Variants in CIB2 observed in about 807,000 individuals in gnomAD.
The protein encoded by CIB2 is calcium and integrin binding family member 2.
A neutral mutation model predicts 23.1 loss-of-function variants in CIB2; 19 were observed. The ratio of observed to expected loss-of-function variants is 0.82; its 90% CI spans 0.57 to 1.21. The LOEUF is 1.21. Ranked by LOEUF, CIB2 falls within the 50% of genes most tolerant of loss-of-function variation. The probability of loss-of-function intolerance (pLI) is 0.00; values close to 1 mark genes in which losing one functional copy is unlikely to be tolerated. For missense variants in CIB2, 220 were observed against 241.5 expected, an observed-to-expected ratio of 0.91 and a Z score of 0.59; for synonymous variants, 94 against 91.7, an observed-to-expected ratio of 1.03 and a Z score of -0.14.
Position 78,109,271 on chromosome 15 carries a change from G to T in CIB2, c.310C>A (p.Arg104=). 6.2e-7 allele frequency: 1 copy of T among 1,611,448 alleles called. No homozygotes were observed. Among genetic ancestry groups the T allele is most frequent in the South Asian group, 1.1e-5 (1 of 90,986 alleles). ...MFSVLCESAP[R]ELKANYAFKI... is the part of the protein sequence containing the mutation. ...AAGGCATAGTTTGCCTTGAGCTCTC[G>T]GGGAGCCGACTCGCAGAGCACGGAA... The change falls in exon 4 of 6, where the codon CGA becomes AGA. Residue 104 remains arginine, a synonymous_variant. Coordinates refer to ENST00000258930, the MANE Select transcript of CIB2 (RefSeq NM_006383.4).
At chr15:78,124,920 G>A (rs1355390474) in intron 1 of CIB2, among the ~76,000 whole-genome samples, 1 of 152,200 alleles carries the variant, frequency 6.6e-6, no homozygotes, top group Non-Finnish European at 1.5e-5. Context: ...CAACATCTGG[G>A]GTTTCCACTG....
chr15:78,130,669 C>G (rs1209411540), intron 1 of CIB2, among the ~76,000 whole-genome samples: 1 of 152,140 alleles, frequency 6.6e-6, no homozygotes, highest in Non-Finnish European at 1.5e-5. Flanking sequence ...CGAACCCCAG[C>G]CGATAAACAA....
At chr15:78,121,788 G>A (rs151258033) in intron 2 of CIB2, among the ~76,000 whole-genome samples, 1 of 152,288 alleles carries the variant, frequency 6.6e-6, no homozygotes, top group African/African-American at 2.4e-5. Context: ...GTCTCAGGCA[G>A]TTCTTTATAG....
intron 2 of CIB2, among the ~76,000 whole-genome samples, chr15:78,119,746 T>C (rs1468362887): frequency 6.6e-6 from 1 of 152,014 alleles, no homozygotes; most frequent in Non-Finnish European, 1.5e-5. Context: ...CTAATTTTTG[T>C]ATTTTCAGTA....
At position 78,114,896 on chromosome 15, in the gene CIB2, T is replaced by TA. The variant is rs35601905; in HGVS notation, c.87-3621dup. ...GGGCAACAGAGTGAGACCCTGTCTC[T>TA]AAAAAAAAAAAAGATAAGTAAAGAA... is the stretch of plus-strand genomic sequence containing the variant. On this transcript the variant is annotated intron_variant, in intron 2 of 5. Transcript: ENST00000258930. Among the ~76,000 whole-genome samples the TA allele has an allele frequency of 1.8e-3, 259 of 141,590 alleles. 1 individual carries two copies. Among genetic ancestry groups the TA allele is most frequent in the Middle Eastern group, 7.2e-3 (2 of 276 alleles). 92.9% of individuals were successfully genotyped at this position (141,590 alleles called of 152,430 possible).
intron 4 of CIB2, among the ~76,000 whole-genome samples, chr15:78,108,968 A>G (rs2074111705): frequency 6.6e-6 from 1 of 152,194 alleles, no homozygotes; most frequent in African/African-American, 2.4e-5. Context: ...CCCTGCTTAA[A>G]GGTCATGCCT....
rs1242739876 is a variant in CIB2, at chr15:78,112,795, C to T, written c.87-1519G>A. 3.3e-5 allele frequency among the ~76,000 whole-genome samples: 5 copies of T among 152,190 alleles called. No individual in the cohort carries two copies. The South Asian group carries it at 8.3e-4, about 25-fold the overall frequency. ...CTTGACCCTGTGACACACCCCAGGC[C>T]CACCTTTATCAAGCCATTCAGCACA... On this transcript the variant is annotated intron_variant, in intron 2 of 5. Transcript: ENST00000258930.
intron 1 of CIB2, among the ~76,000 whole-genome samples, chr15:78,125,412 CG>C (rs1403578939): frequency 2.0e-5 from 3 of 152,094 alleles, no homozygotes; most frequent in African/African-American, 7.2e-5. Flanking sequence ...CTCTTCCCCC[CG>C]ATCTGTCCTC....
At chr15:78,107,718 C>G (rs548967461) in intron 4 of CIB2, among the ~76,000 whole-genome samples, 210 of 152,314 alleles carry the variant, frequency 1.4e-3, no homozygotes, top group African/African-American at 4.7e-3. Flanking sequence ...GGTCCAAGAC[C>G]GGGCGGATGT....
At chr15:78,120,598 G>C in intron 2 of CIB2, 3 of 985,362 alleles carry the variant, frequency 3.0e-6, no homozygotes, top group Non-Finnish European at 3.6e-6. Context: ...GAATAGGGTG[G>C]GCTGCCCACT....
chr15:78,105,010 T>G lies in CIB2; in HGVS notation c.*301A>C, dbSNP rs113061265. On this transcript the variant is annotated 3_prime_UTR_variant, in exon 6 of 6. Coordinates refer to ENST00000258930, the MANE Select transcript of CIB2 (RefSeq NM_006383.4). ...GTTGGGTTATCTGCTTTTCCCTCTT[T>G]GGGGGGGTGGGGAGCATTTCTGGAG... The G allele has an allele frequency of 1.5e-4, 47 of 310,200 alleles. No individual in the cohort carries two copies. The highest frequency in any genetic ancestry group is 9.7e-4 in the Middle Eastern group (1 of 1,028). The allele number at this position is 310,200 out of a possible 1,614,324, so 19.2% of individuals were successfully genotyped here. A position where few individuals can be genotyped will look rare whatever the true frequency, so the allele number is the denominator to read the frequency against.
intron 5 of CIB2, chr15:78,105,536 A>G: frequency 6.8e-7 from 1 of 1,480,158 alleles, no homozygotes; most frequent in Non-Finnish European, 8.9e-7. Flanking sequence ...CTTATCACTG[A>G]AGGGGCCCCC....
At chr15:78,120,457 G>C in intron 2 of CIB2, 2 of 696,814 alleles carry the variant, frequency 2.9e-6, no homozygotes, top group Non-Finnish European at 3.5e-6. Context: ...ACCTTGGAGT[G>C]CTGGCTGGGT....
intron 2 of CIB2, among the ~76,000 whole-genome samples, chr15:78,122,816 G>A (rs186926533): frequency 2.0e-5 from 3 of 152,334 alleles, no homozygotes; most frequent in East Asian, 3.9e-4. Flanking sequence ...TAGCAGCCTG[G>A]GTAGAGAGGA....
chr15:78,122,685 T>TGGCCCA, intron 2 of CIB2, among the ~76,000 whole-genome samples: 1 of 152,372 alleles, frequency 6.6e-6, no homozygotes, highest in Middle Eastern at 3.4e-3. Flanking sequence ...GGTCAAATGG[T>TGGCCCA]TGCCCAAGGC....
chr15:78,131,116 G>T lies in CIB2; in HGVS notation c.51+49C>A, dbSNP rs1203999476. On this transcript the variant is annotated intron_variant, in intron 1 of 5. Coordinates refer to ENST00000258930, the MANE Select transcript of CIB2 (RefSeq NM_006383.4). This position sits in a 1 kb window ranked among gnomAD's most constrained non-coding sequence, Gnocchi z 5.8. ...GGCCAGCGACCGAGAAAAGGGAGGGGCGGCGGGGCGGCGGGGCCTGTGTTG... is the reference window on the plus strand; with the variant it reads ...GGCCAGCGACCGAGAAAAGGGAGGGTCGGCGGGGCGGCGGGGCCTGTGTTG... 2.7e-6 allele frequency: 4 copies of T among 1,498,604 alleles called. No homozygotes were observed. The African/African-American group carries it at 4.2e-5, about 16-fold the overall frequency. The allele number at this position is 1,498,604 out of a possible 1,614,324, so 92.8% of individuals were successfully genotyped here.
chr15:78,109,200 C>CGGGGGGGGGGG, intron 4 of CIB2, 35 bp downstream of exon 4: 1 of 1,159,164 alleles, frequency 8.6e-7, no homozygotes, highest in Non-Finnish European at 1.2e-6. Context: ...GTTCCCCCAC[C>CGGGGGGGGGGG]GCATATTCAG....
rs2074120874 is a variant in CIB2 at position 78,109,367 on chromosome 15, C to G, written c.214G>C (p.Glu72Gln). The part of the protein sequence containing the change: ...MPELRENPFK[E>Q]RIVAAFSEDG... ...TCGGAAAACGCCGCCACGATCCTTT[C>G]TTTGAAGGGATTCTCCTGAAGAAAA... is the stretch of plus-strand genomic sequence containing the variant. Residue 72 changes from glutamate (E) to glutamine (Q), a missense_variant, in exon 4 of 6, where the codon GAA becomes CAA. Transcript: ENST00000258930. 4 of 1,614,164 alleles carry G rather than the reference C, an allele frequency of 2.5e-6. No homozygotes were observed. Among genetic ancestry groups the G allele is most frequent in the Non-Finnish European group, 3.4e-6 (4 of 1,180,036 alleles).
chr15:78,117,246 C>CGAAAAAAAAAAAAAAAAAAAA (rs2074253094), intron 2 of CIB2, among the ~76,000 whole-genome samples: 1 of 55,496 alleles, frequency 1.8e-5, no homozygotes. Flanking sequence ...AAGCTACTGG[C>CGAAAAAAAAAAAAAAAAAAAA]AAAAAAAAAA....
Sources: allele counts gnomAD v4.1 joint callset (sites outside exome capture counted in the v4.1 genomes callset), GRCh38; gene constraint gnomAD v4.1.1; non-coding constraint Gnocchi (gnomAD v3.1); transcripts MANE v1.5; gene names NCBI Gene and HGNC (gene_info 2026-07-23, HGNC 2026-07-21).